Variants in CLIC5 observed in about 807,000 individuals in gnomAD.
CLIC5 encodes CLIC family member 5.
In CLIC5, 20 loss-of-function variants were observed where a neutral mutation model predicts 24.7. That is an observed-to-expected ratio of 0.81 (90% CI 0.57 to 1.18). The LOEUF (loss-of-function observed/expected upper bound fraction) is 1.18. Among genes scored for constraint, CLIC5 ranks in the 50% most tolerant of loss-of-function variants. CLIC5 has a pLI of 0.00. For missense variants in CLIC5, 341 were observed against 326.1 expected (o/e 1.05, Z -0.35); for synonymous variants, 159 against 135.6 (o/e 1.17, Z -1.20).
intron 1 of CLIC5, among the ~76,000 whole-genome samples, chr6:46,030,251 A>C (rs973633159): frequency 3.3e-5 from 5 of 152,164 alleles, no homozygotes; most frequent in Non-Finnish European, 7.3e-5. Flanking sequence ...ACATTGTCAT[A>C]GATCCTATCA....
In CLIC5 at chr6:46,015,546, G is replaced by T. The variant is rs1358860344; in HGVS notation, c.-4C>A. The T allele has an allele frequency of 1.3e-6, 2 of 1,570,968 alleles. No individual in the cohort carries two copies. The highest frequency in any genetic ancestry group is 1.7e-6 in the Non-Finnish European group (2 of 1,159,964). ...TAGCTGTCGCCGAGTCTGTCATGCC[G>T]TTGGCGCCCGGGGCTACCGTCCCGG... On this transcript the variant is annotated 5_prime_UTR_variant, in exon 1 of 6. Coordinates refer to ENST00000339561, the MANE Select transcript of CLIC5 (RefSeq NM_016929.5).
intron 1 of CLIC5, among the ~76,000 whole-genome samples, chr6:46,000,397 T>G (rs1022229325): frequency 1.3e-5 from 2 of 152,154 alleles, no homozygotes; most frequent in Non-Finnish European, 2.9e-5. Flanking sequence ...CCATCTGATT[T>G]GTGACTTCAG....
At chr6:46,040,976 A>T (rs190163001) in intron 1 of CLIC5, among the ~76,000 whole-genome samples, 1 of 152,264 alleles carries the variant, frequency 6.6e-6, no homozygotes, top group Admixed American at 6.5e-5. Flanking sequence ...CAAATTAAAA[A>T]TGGTCTGTAA....
intron 4 of CLIC5, among the ~76,000 whole-genome samples, chr6:45,932,989 A>T (rs1003442172): frequency 1.3e-5 from 2 of 152,206 alleles, no homozygotes; most frequent in Non-Finnish European, 2.9e-5. Context: ...GGGAATGATC[A>T]TCCAAATTCT....
At chr6:46,078,786 A>C (rs1762843037) in intron 1 of CLIC5, among the ~76,000 whole-genome samples, 1 of 152,332 alleles carries the variant, frequency 6.6e-6, no homozygotes, top group East Asian at 1.9e-4. Context: ...ATTAGAGAAA[A>C]GAACAAATTA....
intron 4 of CLIC5, among the ~76,000 whole-genome samples, chr6:45,918,530 G>A (rs190769820): frequency 7.2e-4 from 109 of 152,334 alleles, no homozygotes; most frequent in African/African-American, 2.5e-3. Context: ...AGATATCAAA[G>A]GTGGTCTTTG....
the CLIC5 span, among the ~76,000 whole-genome samples, chr6:46,086,125 C>T: frequency 7.0e-4 from 106 of 152,290 alleles, no homozygotes; most frequent in African/African-American, 1.9e-3. Context: ...GGGAGTGACC[C>T]GATTTTCCAG....
downstream of CLIC5, among the ~76,000 whole-genome samples, chr6:45,896,835 C>G (rs1762399687): frequency 2.0e-5 from 3 of 152,138 alleles, no homozygotes; most frequent in South Asian, 6.2e-4. Context: ...GCCTGGAGAG[C>G]AGATGCCCTA....
Position 46,022,000 on chromosome 6 carries a change from T to A in CLIC5, c.540+57703A>T, listed in dbSNP as rs185665635. On this transcript the variant is annotated intron_variant, in intron 1 of 5. Transcript: ENST00000185206. ...TCAGGTTCTATTGCCATACCCACTT[T>A]CCACACAGTCTTTGCTTCAAATCTG... Among the ~76,000 whole-genome samples the A allele has an allele frequency of 1.0e-3, 154 of 152,366 alleles. 1 individual carries two copies. Among genetic ancestry groups the A allele is most frequent in the African/African-American group, 3.6e-3 (151 of 41,580 alleles).
At chr6:46,048,811 G>T (rs1174218871) in intron 1 of CLIC5, among the ~76,000 whole-genome samples, 1 of 152,176 alleles carries the variant, frequency 6.6e-6, no homozygotes, top group African/African-American at 2.4e-5. Context: ...CCAAGAGCCT[G>T]CAGTGTCATG....
In CLIC5 at chr6:46,064,307, C is replaced by T. The variant is rs190358134; in HGVS notation, c.540+15396G>A. On this transcript the variant is annotated intron_variant, in intron 1 of 5. Transcript: ENST00000185206. ...ATTTGCAAGGGGAAAAACCTTCCCA[C>T]CAAGAAATCTCTAGTAAAGATAGTT... Among the ~76,000 whole-genome samples the T allele has an allele frequency of 1.6e-4, 25 of 152,038 alleles. No individual in the cohort carries two copies. In the East Asian group the frequency reaches 4.3e-3, roughly 26 times the overall value.
At position 46,031,330 on chromosome 6, in the gene CLIC5, A is replaced by G. The variant is rs148188734; in HGVS notation, c.540+48373T>C. On this transcript the variant is annotated intron_variant, in intron 1 of 5. Coordinates refer to the CLIC5 transcript ENST00000185206. ...GCCATAATGAAAATAATAAAATACA[A>G]TATATGAAAACAACAAGGTGAGCCT... Among the ~76,000 whole-genome samples the G allele has an allele frequency of 5.7e-3, 869 of 152,314 alleles. 7 individuals are homozygous for G. The highest frequency in any genetic ancestry group is 0.019 in the African/African-American group (801 of 41,570).
At chr6:46,060,146 A>G (rs1762209382) in intron 1 of CLIC5, among the ~76,000 whole-genome samples, 1 of 152,214 alleles carries the variant, frequency 6.6e-6, no homozygotes, top group Non-Finnish European at 1.5e-5. Flanking sequence ...GGTATAATTT[A>G]GGAGGCATAG....
chr6:46,007,268 T>A (rs1766619738), intron 1 of CLIC5, among the ~76,000 whole-genome samples: 1 of 152,194 alleles, frequency 6.6e-6, no homozygotes, highest in Non-Finnish European at 1.5e-5. Context: ...AACTTAAAGC[T>A]CAATTAGTTT....
intron 6 of CLIC5, among the ~76,000 whole-genome samples, chr6:45,882,877 T>G (rs1762275194): frequency 6.6e-6 from 1 of 152,204 alleles, no homozygotes; most frequent in South Asian, 2.1e-4. Context: ...TGCCTGACTA[T>G]GCACAGTGAG....
intron 2 of CLIC5, among the ~76,000 whole-genome samples, chr6:45,950,325 G>T (rs1165662675): frequency 6.6e-6 from 1 of 151,962 alleles, no homozygotes; most frequent in East Asian, 1.9e-4. Context: ...CTTTGGGAGG[G>T]TGAGGTGGGA....
chr6:45,973,714 G>A lies in CLIC5; in HGVS notation c.64-18470C>T, dbSNP rs551337402. ...AGCACTTTGGGAGGCCGAGGCGGGC[G>A]GATCATGAGATCAAGAGATTGAGAC... On this transcript the variant is annotated intron_variant, in intron 1 of 5. Transcript: ENST00000339561. Among the ~76,000 whole-genome samples the A allele has an allele frequency of 5.8e-3, 877 of 152,220 alleles. 5 individuals are homozygous for A. The highest frequency in any genetic ancestry group is 9.2e-3 in the Non-Finnish European group (623 of 68,012).
At chr6:46,058,847 G>A (rs968521034) in intron 1 of CLIC5, among the ~76,000 whole-genome samples, 53 of 152,192 alleles carry the variant, frequency 3.5e-4, no homozygotes, top group Non-Finnish European at 7.5e-4. Flanking sequence ...ATAACAGGTT[G>A]GCAGAAGGAG....
intron 1 of CLIC5, among the ~76,000 whole-genome samples, chr6:46,010,485 A>T (rs1766766888): frequency 6.6e-6 from 1 of 152,202 alleles, no homozygotes; most frequent in Non-Finnish European, 1.5e-5. Context: ...ATCTCTTGCC[A>T]CCACTAACAT....
Sources: gnomAD v4.1 joint callset for allele counts (sites outside exome capture counted in the v4.1 genomes callset) on GRCh38, gnomAD v4.1.1 for gene constraint, MANE v1.5 for transcripts, NCBI Gene and HGNC (gene_info 2026-07-23, HGNC 2026-07-21) for gene names.